Variants in HRH1 observed in about 807,000 individuals in gnomAD.
HRH1 encodes histamine H1 receptor.
HRH1 carries 6 observed loss-of-function variants against 10.3 expected under a neutral mutation model. That is an observed-to-expected ratio of 0.58 (90% confidence interval 0.32 to 1.15). HRH1 has a LOEUF of 1.15. Ranked by LOEUF, HRH1 falls within the 50% of genes most tolerant of loss-of-function variation. The pLI is 0.05. For synonymous variants in HRH1, 242 were observed against 236.7 expected (o/e 1.02, Z -0.21); for missense variants, 514 against 615.3 (o/e 0.84, Z 1.74).
At chr3:11,228,567 T>C (rs1269028530) in intron 1 of HRH1, among the ~76,000 whole-genome samples, 4 of 151,962 alleles carry the variant, frequency 2.6e-5, no homozygotes, top group African/African-American at 9.7e-5. Context: ...AATATCACAG[T>C]GCTCCTGCCC....
At chr3:11,212,645 C>G (rs1412705573) in intron 1 of HRH1, among the ~76,000 whole-genome samples, 1 of 152,200 alleles carries the variant, frequency 6.6e-6, no homozygotes, top group Non-Finnish European at 1.5e-5. Context: ...TTTCTAGACT[C>G]TCTGGGCCAC....
At chr3:11,197,782 A>AG (rs1937722085) in intron 1 of HRH1, among the ~76,000 whole-genome samples, 1 of 152,140 alleles carries the variant, frequency 6.6e-6, no homozygotes, top group Non-Finnish European at 1.5e-5. Flanking sequence ...AAGGAAAAAA[A>AG]CAGCTCATTG....
At chr3:11,200,738 C>G (rs371005384) in intron 1 of HRH1, among the ~76,000 whole-genome samples, 1 of 152,082 alleles carries the variant, frequency 6.6e-6, no homozygotes, top group Admixed American at 6.5e-5. Flanking sequence ...CTAACCCTTA[C>G]GCAGAAAGTC....
chr3:11,261,926 A>C lies in HRH1; in HGVS notation c.*1425A>C, dbSNP rs2152591813. The C allele has an allele frequency of 6.0e-6, 1 of 167,210 alleles. No homozygotes were observed. The highest frequency in any genetic ancestry group is 1.9e-4 in the East Asian group (1 of 5,194). 10.4% of individuals were successfully genotyped at this position (167,210 alleles called of 1,614,324 possible). A position where few individuals can be genotyped will look rare whatever the true frequency, so the allele number is the denominator to read the frequency against. ...TATTCCCAAGAGTGGTGGCAGCTCAAAATGATATGTTTGAGTAGACGAACA... is the reference window on the plus strand; with the variant it reads ...TATTCCCAAGAGTGGTGGCAGCTCACAATGATATGTTTGAGTAGACGAACA... On this transcript the variant is annotated 3_prime_UTR_variant, in exon 2 of 2. Coordinates refer to ENST00000431010, the MANE Select transcript of HRH1 (RefSeq NM_001098212.2).
intron 1 of HRH1, among the ~76,000 whole-genome samples, chr3:11,255,608 A>C (rs181694171): frequency 2.6e-4 from 39 of 152,326 alleles, no homozygotes; most frequent in Non-Finnish European, 5.3e-4. Flanking sequence ...GTCAGAGCAC[A>C]GTTTGGTTTT....
chr3:11,259,248 G>A lies in HRH1; in HGVS notation c.211G>A (p.Val71Met), dbSNP rs113526786. ...GAACCTGTACATCGTCAGCCTCTCG[G>A]TGGCGGACTTGATCGTGGGTGCCGT... ...VGNLYIVSLSVADLIVGAVVM... is the reference protein window; with the variant it reads ...VGNLYIVSLSMADLIVGAVVM... The change falls in exon 2 of 2, where the codon GTG becomes ATG. Residue 71 changes from valine to methionine, a missense_variant. Val to Met is a conservative substitution (Grantham distance 21). Transcript: ENST00000431010. The surrounding 1 kb of genome is among the most constrained non-coding windows in gnomAD (Gnocchi z 4.6). 1.2e-6 allele frequency: 2 copies of A among 1,613,540 alleles called. No individual in the cohort carries two copies. Among genetic ancestry groups the A allele is most frequent in the African/African-American group, 1.3e-5 (1 of 74,826 alleles).
chr3:11,159,725 A>G (rs1450425798), intron 1 of HRH1, among the ~76,000 whole-genome samples: 1 of 152,246 alleles, frequency 6.6e-6, no homozygotes, highest in African/African-American at 2.4e-5. Flanking sequence ...TGTGGGCAAG[A>G]GTCCCACTTT....
intron 1 of HRH1, among the ~76,000 whole-genome samples, chr3:11,165,891 T>C (rs191600483): frequency 3.7e-4 from 57 of 152,330 alleles, no homozygotes; most frequent in African/African-American, 1.3e-3. Context: ...TGGCATCACC[T>C]AACACGGAGT....
intron 1 of HRH1, among the ~76,000 whole-genome samples, chr3:11,165,623 C>T (rs545338726): frequency 1.8e-4 from 27 of 152,302 alleles, no homozygotes; most frequent in Middle Eastern, 3.4e-3. Flanking sequence ...CGGGTTGCTC[C>T]ATCAGTGCCA....
At position 11,189,811 on chromosome 3, in the gene HRH1, A is replaced by C. The variant is rs367637163; in HGVS notation, c.-36+35257A>C. On this transcript the variant is annotated intron_variant, in intron 1 of 1. Transcript: ENST00000431010. Reference sequence around the variant, plus strand: ...AATAAAAATAAATAAATAGCCAGGCATCATGGCACACACCTGTAATCCCAG... The same window carrying C: ...AATAAAAATAAATAAATAGCCAGGCCTCATGGCACACACCTGTAATCCCAG... Among the ~76,000 whole-genome samples the C allele has an allele frequency of 3.3e-5, 5 of 152,192 alleles. No individual in the cohort carries two copies. The South Asian group carries it at 1.0e-3, about 32-fold the overall frequency.
At chr3:11,221,566 A>ATGT (rs1198914399) in intron 1 of HRH1, among the ~76,000 whole-genome samples, 16 of 145,452 alleles carry the variant, frequency 1.1e-4, no homozygotes, top group African/African-American at 4.4e-4. Flanking sequence ...AAAAAAAAAA[A>ATGT]ATGTATATAT....
At chr3:11,209,757 A>T (rs916790335) in intron 1 of HRH1, among the ~76,000 whole-genome samples, 4 of 152,156 alleles carry the variant, frequency 2.6e-5, no homozygotes, top group African/African-American at 9.7e-5. Context: ...AGGACTGATG[A>T]CTTATGGCTC....
intron 1 of HRH1, among the ~76,000 whole-genome samples, chr3:11,169,550 G>C (rs773294682): frequency 2.6e-5 from 4 of 152,114 alleles, no homozygotes; most frequent in African/African-American, 4.8e-5. Context: ...GGGGACAAAG[G>C]CTGGCTGGGG....
intron 1 of HRH1, among the ~76,000 whole-genome samples, chr3:11,217,305 G>T (rs541282545): frequency 6.6e-6 from 1 of 152,020 alleles, no homozygotes; most frequent in East Asian, 1.9e-4. Context: ...TGAGGCAGGC[G>T]GATCACCTGA....
intron 1 of HRH1, chr3:11,234,673 T>G: frequency 6.7e-6 from 8 of 1,199,516 alleles, no homozygotes; most frequent in South Asian, 1.2e-5. Context: ...CTGCCGGCAG[T>G]AGGACATGGC....
At chr3:11,224,741 G>A (rs1938827994) in intron 1 of HRH1, among the ~76,000 whole-genome samples, 2 of 151,928 alleles carry the variant, frequency 1.3e-5, no homozygotes, top group South Asian at 4.2e-4. Flanking sequence ...GAGTCAGGCA[G>A]CCCTTGCTTT....
chr3:11,231,994 A>ATT (rs57276171), intron 1 of HRH1, among the ~76,000 whole-genome samples: 4 of 139,842 alleles, frequency 2.9e-5, no homozygotes, highest in Admixed American at 2.2e-4. Flanking sequence ...TTTTGAGTTA[A>ATT]TTTTTTTTTT....
chr3:11,243,902 T>C (rs1939412882), intron 1 of HRH1, among the ~76,000 whole-genome samples: 2 of 152,232 alleles, frequency 1.3e-5, no homozygotes, highest in African/African-American at 4.8e-5. Flanking sequence ...TTTAATTTAA[T>C]TGTTTTGATG....
At chr3:11,177,231 C>A (rs1208525144) in intron 1 of HRH1, among the ~76,000 whole-genome samples, 6 of 143,918 alleles carry the variant, frequency 4.2e-5, no homozygotes, top group African/African-American at 1.7e-4. Context: ...CAGAGTGAGA[C>A]CCTATCTCTA....
Sources: allele counts gnomAD v4.1 joint callset (sites outside exome capture counted in the v4.1 genomes callset), GRCh38; gene constraint gnomAD v4.1.1; non-coding constraint Gnocchi (gnomAD v3.1); transcripts MANE v1.5; gene names NCBI Gene and HGNC (gene_info 2026-07-23, HGNC 2026-07-21).